Variants in SEMA6D observed in about 807,000 individuals in gnomAD.
SEMA6D encodes the protein semaphorin 6D, also known as semaphorin-6D.
In SEMA6D, 35 loss-of-function variants were observed where a neutral mutation model predicts 106.6. The ratio of observed to expected loss-of-function variants is 0.33; its 90% CI spans 0.25 to 0.44. The LOEUF (loss-of-function observed/expected upper bound fraction) is 0.44. SEMA6D is among the 20% of genes least tolerant of loss of function. The probability of loss-of-function intolerance (pLI) is 1.00; values close to 1 mark genes in which losing one functional copy is unlikely to be tolerated. For synonymous variants in SEMA6D, 499 were observed against 487.7 expected (o/e 1.02, Z -0.31); for missense variants, 1,185 against 1,345.9 (o/e 0.88, Z 1.87).
At chr15:47,212,483 A>T (rs1444577290) in intron 1 of SEMA6D, among the ~76,000 whole-genome samples, 1 of 152,232 alleles carries the variant, frequency 6.6e-6, no homozygotes, top group Non-Finnish European at 1.5e-5. Flanking sequence ...TATTGAGCAC[A>T]GGAAGAATTC....
rs970649335 is a variant in SEMA6D at position 47,315,989 on chromosome 15, G to GTT, written c.-238-96396_-238-96395dup. Among the ~76,000 whole-genome samples, 7 of 149,398 alleles carry GTT rather than the reference G, an allele frequency of 4.7e-5. No individual in the cohort carries two copies. In the East Asian group the frequency reaches 9.9e-4, roughly 21 times the overall value. ...ATGATAGCTTATTAGTTTCGAGAGG[G>GTT]TTTTTTTTTGTGTGTGTGTCTACTC... On this transcript the variant is annotated intron_variant, in intron 1 of 19. Transcript: ENST00000558014.
At chr15:47,649,587 C>T (rs1298823635) in intron 4 of SEMA6D, among the ~76,000 whole-genome samples, 1 of 152,114 alleles carries the variant, frequency 6.6e-6, no homozygotes, top group Admixed American at 6.6e-5. Context: ...GGCTGAAGTG[C>T]ACTATGATCA....
Position 47,460,103 on chromosome 15 carries a change from A to G in SEMA6D, c.-158-10371A>G, listed in dbSNP as rs114893851. Among the ~76,000 whole-genome samples the G allele has an allele frequency of 8.6e-3, 1,308 of 152,138 alleles. 18 individuals are homozygous for G. Among genetic ancestry groups the G allele is most frequent in the African/African-American group, 0.03 (1,256 of 41,538 alleles). On this transcript the variant is annotated intron_variant, in intron 2 of 19. Transcript: ENST00000558014. Reference sequence around the variant, plus strand: ...AGCTAGGTGAGGTTAAAGTCATCTAATTAGCCATCCCACCACTGTGTCTCT... The same window carrying G: ...AGCTAGGTGAGGTTAAAGTCATCTAGTTAGCCATCCCACCACTGTGTCTCT...
intron 2 of SEMA6D, among the ~76,000 whole-genome samples, chr15:47,460,557 T>C (rs1196789012): frequency 6.6e-6 from 1 of 152,090 alleles, no homozygotes; most frequent in Non-Finnish European, 1.5e-5. Flanking sequence ...GGACAGTGTA[T>C]AAGAAGGAAG....
At chr15:47,196,079 A>G (rs750264901) in intron 1 of SEMA6D, among the ~76,000 whole-genome samples, 4 of 151,260 alleles carry the variant, frequency 2.6e-5, no homozygotes, top group Non-Finnish European at 5.9e-5. Context: ...GAAGCAGGTG[A>G]TATTCATCCA....
intron 2 of SEMA6D, among the ~76,000 whole-genome samples, chr15:47,415,133 T>C (rs2040920541): frequency 6.6e-6 from 1 of 152,194 alleles, no homozygotes; most frequent in South Asian, 2.1e-4. Context: ...TTCATCGATC[T>C]GGTCTGTGTT....
At chr15:47,208,774 G>C (rs1895281543) in intron 1 of SEMA6D, among the ~76,000 whole-genome samples, 1 of 152,050 alleles carries the variant, frequency 6.6e-6, no homozygotes, top group African/African-American at 2.4e-5. Flanking sequence ...CTCATTCCAG[G>C]ACGGTTTCTG....
At chr15:47,341,937 A>G (rs926561515) in intron 1 of SEMA6D, among the ~76,000 whole-genome samples, 4 of 150,562 alleles carry the variant, frequency 2.7e-5, no homozygotes, top group Admixed American at 6.6e-5. Flanking sequence ...CTTTTGAGCT[A>G]CTCCAACTCT....
intron 1 of SEMA6D, among the ~76,000 whole-genome samples, chr15:47,270,129 AAT>A (rs1450033957): frequency 6.7e-6 from 1 of 148,452 alleles, no homozygotes; most frequent in Admixed American, 6.8e-5. Context: ...TTTATTAAAT[AAT>A]ATATATTTGT....
intron 4 of SEMA6D, among the ~76,000 whole-genome samples, chr15:47,676,804 C>G (rs2145502296): frequency 6.6e-6 from 1 of 152,252 alleles, no homozygotes; most frequent in Admixed American, 6.5e-5. Context: ...AGGCTGGACT[C>G]AGAGAGTTCT....
At chr15:47,753,487 A>G (rs1299297672) in intron 1 of SEMA6D, among the ~76,000 whole-genome samples, 2 of 152,190 alleles carry the variant, frequency 1.3e-5, no homozygotes, top group Non-Finnish European at 2.9e-5. Flanking sequence ...ACAACCTAAG[A>G]TGGATAAAGA....
intron 3 of SEMA6D, among the ~76,000 whole-genome samples, chr15:47,548,646 C>T (rs1465580819): frequency 1.3e-5 from 2 of 152,128 alleles, no homozygotes; most frequent in African/African-American, 4.8e-5. Flanking sequence ...AGAATCCCCT[C>T]CAGTATGCCC....
chr15:47,615,788 C>CA (rs2076996703), intron 4 of SEMA6D, among the ~76,000 whole-genome samples: 1 of 152,234 alleles, frequency 6.6e-6, no homozygotes, highest in Non-Finnish European at 1.5e-5. Context: ...GAAATTGTCT[C>CA]TTTGCGAAAG....
intron 3 of SEMA6D, among the ~76,000 whole-genome samples, chr15:47,760,686 T>G (rs2082013553): frequency 6.6e-6 from 1 of 152,118 alleles, no homozygotes; most frequent in Non-Finnish European, 1.5e-5. Flanking sequence ...CCTTTCTTTA[T>G]GCGTTTTTAA....
chr15:47,670,425 C>A (rs1001317109), intron 4 of SEMA6D, among the ~76,000 whole-genome samples: 34 of 152,292 alleles, frequency 2.2e-4, no homozygotes, highest in African/African-American at 7.7e-4. Flanking sequence ...TCTGTCCTTG[C>A]CTGCTTAGTG....
At chr15:47,498,475 A>G (rs774026697) in intron 3 of SEMA6D, among the ~76,000 whole-genome samples, 2 of 152,142 alleles carry the variant, frequency 1.3e-5, no homozygotes, top group Non-Finnish European at 2.9e-5. Context: ...AATGGGAAAG[A>G]GAGGTGCTTT....
In SEMA6D at chr15:47,634,825, C is replaced by T. The variant is rs144058331; in HGVS notation, c.-55+33929C>T. Among the ~76,000 whole-genome samples, 121 of 82,286 alleles carry T rather than the reference C, an allele frequency of 1.5e-3. 3 individuals carry two copies. The East Asian group carries it at 0.039, about 27-fold the overall frequency. The allele number at this position is 82,286 out of a possible 152,430, so 54.0% of individuals were successfully genotyped here. ...CTGCCTGCTTCTTCGGGGGTGGGGG[C>T]GGGGTGGAAGTTCAACTTCCCGCTT... is the stretch of plus-strand genomic sequence containing the variant. On this transcript the variant is annotated intron_variant, in intron 4 of 19. Transcript: ENST00000558014.
chr15:47,569,458 T>C (rs1404646687), intron 3 of SEMA6D, among the ~76,000 whole-genome samples: 1 of 152,150 alleles, frequency 6.6e-6, no homozygotes, highest in East Asian at 1.9e-4. Context: ...CTTAGGTCAT[T>C]CCGTGGATCC....
At chr15:47,693,596 T>C (rs2078635391) in intron 4 of SEMA6D, among the ~76,000 whole-genome samples, 1 of 152,076 alleles carries the variant, frequency 6.6e-6, no homozygotes, top group East Asian at 1.9e-4. Context: ...ACCTGGAAAG[T>C]TTTGAAAAAT....
Sources: gnomAD v4.1 joint callset for allele counts (sites outside exome capture counted in the v4.1 genomes callset) on GRCh38, gnomAD v4.1.1 for gene constraint, MANE v1.5 for transcripts, NCBI Gene and HGNC (gene_info 2026-07-23, HGNC 2026-07-21) for gene names.